STK40: variants seen among roughly 807,000 people sequenced by gnomAD.
STK40 encodes the protein serine/threonine kinase 40.
Under a neutral mutation model 47.9 loss-of-function variants are expected in STK40, and 13 were observed. That is an observed-to-expected ratio of 0.27 (90% CI 0.18 to 0.43). STK40 has a LOEUF of 0.43. Ranked by LOEUF, STK40 falls within the 20% of genes least tolerant of loss-of-function variation. The pLI is 1.00. For synonymous variants in STK40, 225 were observed against 243.2 expected (o/e 0.93, Z 0.69); for missense variants, 460 against 595.1 (o/e 0.77, Z 2.36).
At chr1:36,376,153 G>A (rs1042424022) in intron 1 of STK40, among the ~76,000 whole-genome samples, 1 of 152,196 alleles carries the variant, frequency 6.6e-6, no homozygotes, top group African/African-American at 2.4e-5. Flanking sequence ...AAAGCCAAGA[G>A]CAGGCGATCC....
intron 9 of STK40, 139 bp downstream of exon 9, chr1:36,343,721 A>G: frequency 7.1e-7 from 1 of 1,400,512 alleles, no homozygotes; most frequent in Non-Finnish European, 9.4e-7. Context: ...TGCCCTCCCA[A>G]TCTTGTCCAT....
At chr1:36,363,214 A>T (rs930914540) in intron 1 of STK40, among the ~76,000 whole-genome samples, 4 of 152,086 alleles carry the variant, frequency 2.6e-5, no homozygotes, top group Admixed American at 2.0e-4. Context: ...GAGGCAGGAA[A>T]ATCGCTTGAA....
In STK40 at chr1:36,354,252, G is replaced by A. The variant is rs1053583183; in HGVS notation, c.623+112C>T. On this transcript the variant is annotated intron_variant, in intron 6 of 10. Coordinates refer to ENST00000373132, the MANE Select transcript of STK40 (RefSeq NM_001282547.2). ...GCCCTGGGATTCCTGGAGGAAGTGG[G>A]TTGTTTTGAGTCGGAATCCTCATGA... 5 of 1,156,058 alleles carry A rather than the reference G, an allele frequency of 4.3e-6. No individual in the cohort carries two copies. In the African/African-American group the frequency reaches 4.6e-5, roughly 11 times the overall value. The allele number at this position is 1,156,058 out of a possible 1,614,324, so 71.6% of individuals were successfully genotyped here.
At chr1:36,362,271 CG>C (rs961343566) in intron 1 of STK40, among the ~76,000 whole-genome samples, 4 of 152,018 alleles carry the variant, frequency 2.6e-5, no homozygotes, top group African/African-American at 7.3e-5. Flanking sequence ...AAGCAGGATC[CG>C]GGGGGGACAA....
chr1:36,342,520 C>T (rs1570431031), intron 10 of STK40: 2 of 164,872 alleles, frequency 1.2e-5, no homozygotes, highest in Admixed American at 1.1e-4. Flanking sequence ...TACTTCTAAG[C>T]TGTGTGGCTT....
chr1:36,343,931 C>A lies in STK40; in HGVS notation c.933G>T (p.Leu311=). The part of the protein sequence containing the change: ...ENTVCLIRKL[L]VLDPQQRLAA... ...CCAGGCGCTGCTGGGGGTCAAGGAC[C>A]AGCAGCTTCCGGATGAGACACACGG... Residue 311 remains leucine, a synonymous_variant, in exon 9 of 11, where the codon CTG becomes CTT. Coordinates refer to ENST00000373132, the MANE Select transcript of STK40 (RefSeq NM_001282547.2). 6.2e-7 allele frequency: 1 copy of A among 1,608,776 alleles called. No homozygotes were observed. Among genetic ancestry groups the A allele is most frequent in the Non-Finnish European group, 8.5e-7 (1 of 1,176,280 alleles).
At chr1:36,364,988 C>CTT (rs747047937) in intron 1 of STK40, among the ~76,000 whole-genome samples, 173 of 126,872 alleles carry the variant, frequency 1.4e-3, no homozygotes, top group African/African-American at 3.0e-3. Context: ...GGTCCTTATT[C>CTT]TTTTTTTTTT....
In STK40 at chr1:36,341,691, C is replaced by T. The variant is rs1646648836; in HGVS notation, c.*64G>A. The T allele has an allele frequency of 1.3e-6, 2 of 1,584,818 alleles. No homozygotes were observed. The highest frequency in any genetic ancestry group is 2.2e-5 in the East Asian group (1 of 44,534). ...CCAGCACTACAGGGCCCAGCCCTGA[C>T]AGCCACGCCTTTGGCTGGGGCTGGA... On this transcript the variant is annotated 3_prime_UTR_variant, in exon 11 of 11. Coordinates refer to ENST00000373132, the MANE Select transcript of STK40 (RefSeq NM_001282547.2).
At chr1:36,345,333 T>C (rs891427088) in intron 7 of STK40, among the ~76,000 whole-genome samples, 1 of 152,196 alleles carries the variant, frequency 6.6e-6, no homozygotes, top group South Asian at 2.1e-4. Flanking sequence ...GGGTGTGCCA[T>C]GTGTGCATGG....
intron 1 of STK40, among the ~76,000 whole-genome samples, chr1:36,368,736 G>A (rs182545152): frequency 3.2e-4 from 48 of 152,276 alleles, no homozygotes; most frequent in African/African-American, 8.9e-4. Flanking sequence ...GAAATACAAT[G>A]GGTGATCTGG....
chr1:36,347,231 G>A (rs892403324), intron 7 of STK40, among the ~76,000 whole-genome samples: 1 of 152,202 alleles, frequency 6.6e-6, no homozygotes, highest in Non-Finnish European at 1.5e-5. Flanking sequence ...GCCACTGCAC[G>A]GAAAGGGCGC....
intron 1 of STK40, among the ~76,000 whole-genome samples, chr1:36,362,843 C>A (rs1646864706): frequency 6.6e-6 from 1 of 151,970 alleles, no homozygotes. Flanking sequence ...TTTATGTTTC[C>A]TTTTTTCCCA....
At chr1:36,353,490 C>T (rs1557510282) in intron 6 of STK40, among the ~76,000 whole-genome samples, 1 of 152,208 alleles carries the variant, frequency 6.6e-6, no homozygotes, top group Non-Finnish European at 1.5e-5. Flanking sequence ...TGGTTCACCC[C>T]AACAAGGGTG....
At chr1:36,358,868 G>A in intron 2 of STK40, 46 bp from the exon 3 acceptor site, 1 of 1,608,396 alleles carries the variant, frequency 6.2e-7, no homozygotes, top group African/African-American at 1.3e-5. Flanking sequence ...AGCCCTGGCT[G>A]TCACGACGCC....
chr1:36,367,753 C>A lies in STK40; in HGVS notation c.-8-6413G>T, dbSNP rs1646914311. The A allele has an allele frequency of 3.4e-5, 33 of 958,824 alleles. No individual in the cohort carries two copies. The South Asian group carries it at 1.1e-3, about 32-fold the overall frequency. 59.4% of individuals were successfully genotyped at this position (958,824 alleles called of 1,614,324 possible). A position where few individuals can be genotyped will look rare whatever the true frequency, so the allele number is the denominator to read the frequency against. On this transcript the variant is annotated intron_variant, in intron 1 of 10. Transcript: ENST00000373132. ...TCATGTCTACCCAACTACAAAGGAG[C>A]TGAAGCCTGGCCAAGGCATGGAGGG...
chr1:36,365,387 G>C (rs1646893031), intron 1 of STK40, among the ~76,000 whole-genome samples: 1 of 152,186 alleles, frequency 6.6e-6, no homozygotes, highest in Admixed American at 6.5e-5. Flanking sequence ...AATCTACCAG[G>C]CTCCCAATTT....
chr1:36,361,320 C>T lies in STK40; in HGVS notation c.13G>A (p.Ala5Thr), dbSNP rs780652230. 3.7e-6 allele frequency: 6 copies of T among 1,614,254 alleles called. No homozygotes were observed. The highest frequency in any genetic ancestry group is 5.1e-6 in the Non-Finnish European group (6 of 1,180,050). Reference protein sequence around the residue: MKRRASDRGAGETSA... With the variant: MKRRTSDRGAGETSA... Reference sequence around the variant, plus strand: ...GTTTCCCCAGCTCCTCTGTCTGATGCTCTCCGCTTCATTCTCAGCTCTAGA... The same window carrying T: ...GTTTCCCCAGCTCCTCTGTCTGATGTTCTCCGCTTCATTCTCAGCTCTAGA... Residue 5 changes from alanine to threonine, a missense_variant, in exon 2 of 11, where the codon GCA (alanine) becomes ACA (threonine). Physicochemically the swap from Ala to Thr is moderately conservative, Grantham distance 58 (BLOSUM62 0). This residue lies in a region of STK40 where 277 missense variants were observed against 358.7 expected (regional missense o/e 0.77). Coordinates refer to ENST00000373132, the MANE Select transcript of STK40 (RefSeq NM_001282547.2).
intron 5 of STK40, among the ~76,000 whole-genome samples, chr1:36,354,952 A>G (rs999267545): frequency 6.6e-6 from 1 of 152,080 alleles, no homozygotes; most frequent in African/African-American, 2.4e-5. Context: ...AGGCCTCTTA[A>G]CTGATGGGGA....
intron 1 of STK40, among the ~76,000 whole-genome samples, chr1:36,364,437 A>G (rs1646883976): frequency 6.6e-6 from 1 of 152,204 alleles, no homozygotes. Context: ...GGCCAACAAA[A>G]AGCATAGCAT....
Sources: allele counts gnomAD v4.1 joint callset (sites outside exome capture counted in the v4.1 genomes callset), GRCh38; gene constraint gnomAD v4.1.1; regional missense constraint gnomAD v4.1.1; transcripts MANE v1.5; gene names NCBI Gene and HGNC (gene_info 2026-07-23, HGNC 2026-07-21).